Variants in VAV2 observed in about 807,000 individuals in gnomAD.
VAV2 encodes the protein vav guanine nucleotide exchange factor 2, also known as guanine nucleotide exchange factor VAV2.
In VAV2, 67 loss-of-function variants were observed where a neutral mutation model predicts 132.5. The ratio of observed to expected loss-of-function variants is 0.51; its 90% CI spans 0.42 to 0.62. The LOEUF is 0.62. Ranked by LOEUF, VAV2 falls within the 20% of genes least tolerant of loss-of-function variation. The pLI is 0.00. For missense variants in VAV2, 938 were observed against 1,153.6 expected, an observed-to-expected ratio of 0.81 and a Z score of 2.71; for synonymous variants, 492 against 443.5, an observed-to-expected ratio of 1.11 and a Z score of -1.37.
In VAV2 at chr9:133,882,400, G is replaced by A. The variant is rs192654735; in HGVS notation, c.322-20968C>T. ...TACGGGGCTGGAGAGCATCCCCTACGGTTCATGTCCTTCCTGGAACCTCAG... is the reference window on the plus strand; with the variant it reads ...TACGGGGCTGGAGAGCATCCCCTACAGTTCATGTCCTTCCTGGAACCTCAG... On this transcript the variant is annotated intron_variant, in intron 2 of 29. Transcript: ENST00000371850. Among the ~76,000 whole-genome samples the A allele has an allele frequency of 7.2e-4, 109 of 152,298 alleles. 2 individuals are homozygous for A. The highest frequency in any genetic ancestry group is 6.8e-3 in the Middle Eastern group (2 of 294).
intron 4 of VAV2, among the ~76,000 whole-genome samples, chr9:133,816,196 G>A (rs1478451461): frequency 6.6e-6 from 1 of 152,184 alleles, no homozygotes; most frequent in Admixed American, 6.5e-5. Context: ...TCTTCTTATT[G>A]AATTCGGTGA....
rs909088313 is a variant in VAV2 at position 133,908,976 on chromosome 9, G to T, written c.321+30127C>A. Among the ~76,000 whole-genome samples, 22 of 152,236 alleles carry T rather than the reference G, an allele frequency of 1.4e-4. 1 individual carries two copies. The highest frequency in any genetic ancestry group is 2.9e-4 in the Non-Finnish European group (20 of 68,044). On this transcript the variant is annotated intron_variant, in intron 2 of 29. Transcript: ENST00000371850. Reference sequence around the variant, plus strand: ...AGAACTCACACCTTCCACTAAAAGGGGCAGGGACCCACGAGGAATGATTGG... The same window carrying T: ...AGAACTCACACCTTCCACTAAAAGGTGCAGGGACCCACGAGGAATGATTGG...
intron 2 of VAV2, among the ~76,000 whole-genome samples, chr9:133,892,714 G>A (rs1839027658): frequency 6.6e-6 from 1 of 152,154 alleles, no homozygotes; most frequent in Non-Finnish European, 1.5e-5. Context: ...GGCAGGGCAG[G>A]CTGAGCTGCA....
At chr9:133,942,639 T>C (rs1382402850) in intron 1 of VAV2, among the ~76,000 whole-genome samples, 2 of 152,254 alleles carry the variant, frequency 1.3e-5, no homozygotes, top group African/African-American at 2.4e-5. Flanking sequence ...AGTTTAGAGT[T>C]AATTACACAG....
At chr9:133,990,801 G>A (rs898735139) in intron 1 of VAV2, among the ~76,000 whole-genome samples, 1 of 152,196 alleles carries the variant, frequency 6.6e-6, no homozygotes, top group Non-Finnish European at 1.5e-5. Context: ...CCTGACCACT[G>A]ACATCCTGCG....
rs1236053620 is a variant in VAV2, at chr9:133,919,406, T to C, written c.321+19697A>G. On this transcript the variant is annotated intron_variant, in intron 2 of 29. Coordinates refer to ENST00000371850, the MANE Select transcript of VAV2 (RefSeq NM_001134398.2). The surrounding 1 kb of genome is among the most constrained non-coding windows in gnomAD (Gnocchi z 5.8). ...CCTGGGAGCTGCAGACCATAATCTC[T>C]GCTTCACTGGGTGGGGCCTCCTCAC... Among the ~76,000 whole-genome samples, 2 of 152,176 alleles carry C rather than the reference T, an allele frequency of 1.3e-5. No individual in the cohort carries two copies. Among genetic ancestry groups the C allele is most frequent in the Admixed American group, 6.5e-5 (1 of 15,284 alleles).
chr9:133,834,856 C>A lies in VAV2; in HGVS notation c.381-516G>T, dbSNP rs1268271812. Among the ~76,000 whole-genome samples the A allele has an allele frequency of 6.6e-6, 1 of 152,140 alleles. No individual in the cohort carries two copies. Among genetic ancestry groups the A allele is most frequent in the African/African-American group, 2.4e-5 (1 of 41,424 alleles). ...GGGGCTCACCCACGCCACCCACCAG[C>A]CACTGGCTTGAGGTCAGGAAGAGAG... On this transcript the variant is annotated intron_variant, in intron 3 of 29. Transcript: ENST00000371850. This position sits in a 1 kb window ranked among gnomAD's most constrained non-coding sequence, Gnocchi z 5.9.
At chr9:133,908,401 A>G (rs114520600) in intron 2 of VAV2, among the ~76,000 whole-genome samples, 1 of 151,886 alleles carries the variant, frequency 6.6e-6, no homozygotes, top group East Asian at 1.9e-4. Context: ...GTCCTTCCCC[A>G]GTGGGGGCCC....
Position 133,791,861 on chromosome 9 carries a change from C to T in VAV2, c.1110G>A (p.Ala370=), listed in dbSNP as rs532002856. 4.6e-5 allele frequency: 73 copies of T among 1,603,476 alleles called. 1 individual carries two copies. In the South Asian group the frequency reaches 6.6e-4, roughly 15 times the overall value. ...KEALEAMQDL[A]MYINEVKRDK... ...CCCGTTTAACTTCATTGATGTACAT[C>T]GCCAAGTCCTTGAAAACAAGAGGCA... Residue 370 remains alanine, a synonymous_variant, in exon 13 of 30, where the codon GCG becomes GCA. Transcript: ENST00000371850.
intron 21 of VAV2, 97 bp from the exon 22 acceptor site, chr9:133,778,986 TC>T: frequency 1.3e-6 from 2 of 1,518,956 alleles, no homozygotes; most frequent in South Asian, 1.2e-5. Context: ...AAGCTCGGCC[TC>T]CCCCAGCACA....
intron 2 of VAV2, among the ~76,000 whole-genome samples, chr9:133,900,135 G>A (rs942516079): frequency 2.0e-5 from 3 of 151,758 alleles, no homozygotes; most frequent in African/African-American, 7.3e-5. Context: ...ACAGATCAAG[G>A]CTGCAATGAG....
At chr9:133,985,272 G>A (rs370116374) in intron 1 of VAV2, among the ~76,000 whole-genome samples, 1 of 105,812 alleles carries the variant, frequency 9.5e-6, no homozygotes, top group Non-Finnish European at 2.0e-5. Context: ...GTGTGTGTGT[G>A]TGTTTTGTTT....
rs1564522740 is a variant in VAV2 at position 133,980,915 on chromosome 9, C to CTACTTTT, written c.204+11159_204+11160insAAAAGTA. ...ACCACCTGTCTCCAACCCTTAGCTA[C>CTACTTTT]CAAAAGCCATCTACTTTTCAGGGCA... On this transcript the variant is annotated intron_variant, in intron 1 of 29. Coordinates refer to ENST00000371850, the MANE Select transcript of VAV2 (RefSeq NM_001134398.2). Among the ~76,000 whole-genome samples the CTACTTTT allele has an allele frequency of 7.3e-3, 1,106 of 152,342 alleles. 13 individuals are homozygous for CTACTTTT. The highest frequency in any genetic ancestry group is 0.025 in the African/African-American group (1,034 of 41,576).
rs552800891 is a variant in VAV2 at position 133,777,725 on chromosome 9, G to A, written c.1891-262C>T. Among the ~76,000 whole-genome samples, 8 of 152,226 alleles carry A rather than the reference G, an allele frequency of 5.3e-5. No homozygotes were observed. The South Asian group carries it at 1.5e-3, about 28-fold the overall frequency. ...CCCCCCCAAGAAGCTGGCAGCCCTG[G>A]TCATACCCGGGGAGGGACAGAGCAG... On this transcript the variant is annotated intron_variant, in intron 22 of 29. Coordinates refer to ENST00000371850, the MANE Select transcript of VAV2 (RefSeq NM_001134398.2).
chr9:133,964,480 G>A (rs1313014809), intron 1 of VAV2, among the ~76,000 whole-genome samples: 2 of 151,764 alleles, frequency 1.3e-5, no homozygotes, highest in Non-Finnish European at 2.9e-5. Context: ...TTTTTATAAT[G>A]GATGTCATAT....
chr9:133,779,432 G>GC (rs1467078009), intron 21 of VAV2, among the ~76,000 whole-genome samples: 1 of 152,246 alleles, frequency 6.6e-6, no homozygotes, highest in Non-Finnish European at 1.5e-5. Flanking sequence ...AGCAGCAGCA[G>GC]CATTTTTCAT....
intron 17 of VAV2, 139 bp from the exon 18 acceptor site, chr9:133,784,557 G>T: frequency 1.1e-6 from 1 of 881,568 alleles, no homozygotes; most frequent in African/African-American, 1.6e-5. Flanking sequence ...GCCTGGCTCT[G>T]CCCGCAACAT....
chr9:133,931,551 G>A (rs973641378), intron 2 of VAV2, among the ~76,000 whole-genome samples: 1 of 151,976 alleles, frequency 6.6e-6, no homozygotes, highest in African/African-American at 2.4e-5. Context: ...CCTCCTGAAC[G>A]AGTCTGTCCC....
At chr9:133,842,392 T>G (rs1473059077) in intron 3 of VAV2, among the ~76,000 whole-genome samples, 4 of 152,182 alleles carry the variant, frequency 2.6e-5, no homozygotes, top group Non-Finnish European at 5.9e-5. Flanking sequence ...AGGCAGAGCC[T>G]CGAGTTACAT....
Sources: allele counts gnomAD v4.1 joint callset (sites outside exome capture counted in the v4.1 genomes callset), GRCh38; gene constraint gnomAD v4.1.1; non-coding constraint Gnocchi (gnomAD v3.1); transcripts MANE v1.5; gene names NCBI Gene and HGNC (gene_info 2026-07-23, HGNC 2026-07-21).